The following SMC2 variants were observed in gnomAD, a reference collection of about 807,000 sequenced individuals.
The protein encoded by SMC2 is structural maintenance of chromosomes protein 2.
A neutral mutation model predicts 142.6 loss-of-function variants in SMC2; 41 were observed. The observed-to-expected ratio is 0.29, with a 90% CI of 0.22 to 0.37. The LOEUF (loss-of-function observed/expected upper bound fraction) is 0.37, where lower values mean the gene tolerates loss of function less well. Ranked by LOEUF, SMC2 falls within the 10% of genes least tolerant of loss-of-function variation. The pLI is 1.00. For missense variants in SMC2, 1,265 were observed against 1,373.7 expected (o/e 0.92, Z 1.25); for synonymous variants, 463 against 457.5 (o/e 1.01, Z -0.15).
intron 21 of SMC2, among the ~76,000 whole-genome samples, chr9:104,130,735 A>G (rs1029851103): frequency 3.0e-4 from 46 of 152,120 alleles, no homozygotes; most frequent in African/African-American, 1.1e-3. Flanking sequence ...GCAATATGTG[A>G]TATATTTGTA....
chr9:104,113,295 T>C (rs1219472246), intron 10 of SMC2, 21 bp from the exon 11 acceptor site: 2 of 1,592,532 alleles, frequency 1.3e-6, no homozygotes, highest in East Asian at 2.3e-5. Flanking sequence ...TCCTATGGTC[T>C]GTTGCATTTT....
chr9:104,090,041 T>C (rs181322254), upstream of SMC2, among the ~76,000 whole-genome samples: 14 of 152,292 alleles, frequency 9.2e-5, no homozygotes, highest in Non-Finnish European at 1.5e-4. Flanking sequence ...GTGAGCTCTG[T>C]AAGGAAGGCT....
In SMC2 at chr9:104,123,190, C is replaced by G. The variant is rs1308520267; in HGVS notation, c.2215C>G (p.His739Asp). The change falls in exon 17 of 25, where the codon CAC becomes GAC. Residue 739 changes from histidine (H) to aspartate (D), a missense_variant. By Grantham distance (81) the His-to-Asp change is moderately conservative. This residue lies in a region of SMC2 where 898 missense variants were observed against 904.2 expected (regional missense o/e 0.99). Transcript: ENST00000374793. ...AACCAAGCTCCAGCAAAGCTCATATCACAAGCAACAAGAAGAATTAGATGC... is the reference window on the plus strand; with the variant it reads ...AACCAAGCTCCAGCAAAGCTCATATGACAAGCAACAAGAAGAATTAGATGC... ...LQTKLQQSSY[H>D]KQQEELDALK... is the part of the protein sequence containing the mutation. The G allele has an allele frequency of 6.2e-7, 1 of 1,612,624 alleles. No individual in the cohort carries two copies. Among genetic ancestry groups the G allele is most frequent in the Non-Finnish European group, 8.5e-7 (1 of 1,179,272 alleles).
chr9:104,139,539 A>C lies in SMC2; in HGVS notation c.*224A>C, dbSNP rs187852708. The stretch of plus-strand genomic sequence containing the variant: ...TTGTGGTTGTGATTTTATGCATATC[A>C]TCAAATGTTTTTTTCTTATGCGGGT... On this transcript the variant is annotated 3_prime_UTR_variant, in exon 25 of 25. Coordinates refer to ENST00000374793, the MANE Select transcript of SMC2 (RefSeq NM_006444.3). 1.1e-4 allele frequency: 42 copies of C among 374,254 alleles called. No homozygotes were observed. The Admixed American group carries it at 1.7e-3, about 15-fold the overall frequency. 23.2% of individuals were successfully genotyped at this position (374,254 alleles called of 1,614,324 possible).
At chr9:104,123,372 A>AG (rs1360954143) in intron 17 of SMC2, 140 bp downstream of exon 17, 3 of 742,732 alleles carry the variant, frequency 4.0e-6, no homozygotes, top group Non-Finnish European at 6.0e-6. Flanking sequence ...TGGGATTTCT[A>AG]GGTCTTAGGG....
chr9:104,108,130 C>T (rs757692382), intron 9 of SMC2, among the ~76,000 whole-genome samples: 1 of 152,198 alleles, frequency 6.6e-6, no homozygotes, highest in Non-Finnish European at 1.5e-5. Flanking sequence ...AAGCAATAAG[C>T]ATAGTGAGTC....
upstream of SMC2, among the ~76,000 whole-genome samples, chr9:104,090,229 CTCA>C (rs1829967882): frequency 6.6e-6 from 1 of 152,172 alleles, no homozygotes; most frequent in African/African-American, 2.4e-5. Context: ...AAAGGAAATT[CTCA>C]GTGCCTGAAA....
At position 104,113,362 on chromosome 9, in the gene SMC2, A is replaced by G. The variant is rs746519184; in HGVS notation, c.1301A>G (p.Gln434Arg). The G allele has an allele frequency of 6.2e-7, 1 of 1,611,974 alleles. No individual in the cohort carries two copies. Residue 434 changes from glutamine to arginine, a missense_variant, in exon 11 of 25, where the codon CAA (glutamine) becomes CGA (arginine). This residue lies in a region of SMC2 where 898 missense variants were observed against 904.2 expected (regional missense o/e 0.99). Transcript: ENST00000374793. ...KHAQQELKNK[Q>R]AEVKKMDSGY... ...GCTCAACAGGAATTAAAGAATAAAC[A>G]AGCTGAAGTTAAGAAGATGGATAGT... is the stretch of plus-strand genomic sequence containing the variant.
chr9:104,127,450 T>G lies in SMC2; in HGVS notation c.2760T>G (p.His920Gln). The G allele has an allele frequency of 6.2e-7, 1 of 1,611,272 alleles. No individual in the cohort carries two copies. The highest frequency in any genetic ancestry group is 8.5e-7 in the Non-Finnish European group (1 of 1,178,620). Residue 920 changes from histidine to glutamine, a missense_variant, in exon 20 of 25, where the codon CAT becomes CAG. Coordinates refer to ENST00000374793, the MANE Select transcript of SMC2 (RefSeq NM_006444.3). ...AATTAGACCACAACATCAGCAAACA[T>G]AAACGGGAGGCTGAAGATGGTGCTG... ...IKELDHNISK[H>Q]KREAEDGAAK... is the part of the protein sequence containing the mutation.
chr9:104,101,714 T>A (rs1342780730), intron 7 of SMC2, among the ~76,000 whole-genome samples: 1 of 152,208 alleles, frequency 6.6e-6, no homozygotes, highest in African/African-American at 2.4e-5. Context: ...TATTTCTTTG[T>A]TAAGCTCAAC....
At chr9:104,096,732 C>A (rs1830479063) in intron 3 of SMC2, among the ~76,000 whole-genome samples, 1 of 152,182 alleles carries the variant, frequency 6.6e-6, no homozygotes, top group African/African-American at 2.4e-5. Flanking sequence ...GCACCAAGAG[C>A]AAATCTAACT....
At chr9:104,101,864 T>C (rs1240726808) in intron 7 of SMC2, 96 bp from the exon 8 acceptor site, 1 of 723,278 alleles carries the variant, frequency 1.4e-6, no homozygotes, top group East Asian at 2.6e-5. Flanking sequence ...CAGGACAAAA[T>C]CTATTATGTA....
chr9:104,103,744 T>C (rs916219905), intron 9 of SMC2, among the ~76,000 whole-genome samples: 2 of 152,174 alleles, frequency 1.3e-5, no homozygotes, highest in African/African-American at 2.4e-5. Context: ...TGAAAAAAAA[T>C]TAACTTTGTG....
At chr9:104,131,922 T>C in intron 21 of SMC2, 87 bp from the exon 22 acceptor site, 1 of 710,100 alleles carries the variant, frequency 1.4e-6, no homozygotes, top group East Asian at 2.6e-5. Flanking sequence ...TATATAAAAA[T>C]AATGAAAACT....
intron 23 of SMC2, among the ~76,000 whole-genome samples, 153 bp from the exon 24 acceptor site, chr9:104,137,865 T>TTTAATTTA (rs1564123581): frequency 0.036 from 5,495 of 152,064 alleles, 326 homozygotes; most frequent in African/African-American, 0.13. Flanking sequence ...ACAACAAAAG[T>TTTAATTTA]GTTAAAGTTT....
intron 7 of SMC2, 96 bp downstream of exon 7, chr9:104,100,529 GT>G (rs1434825588): frequency 1.6e-5 from 13 of 805,392 alleles, no homozygotes; most frequent in South Asian, 5.1e-5. Context: ...TTTCTTGGGG[GT>G]TTTTTTCCTG....
chr9:104,097,506 T>C (rs1830581048), intron 3 of SMC2, among the ~76,000 whole-genome samples: 1 of 105,962 alleles, frequency 9.4e-6, no homozygotes, highest in South Asian at 2.9e-4. Context: ...AAGCCTCTGG[T>C]TGAAAAAAAA....
At chr9:104,137,889 C>CT (rs200382814) in intron 23 of SMC2, 129 bp from the exon 24 acceptor site, 13,187 of 521,376 alleles carry the variant, frequency 0.025, 813 homozygotes, top group African/African-American at 0.18. Flanking sequence ...ACTCAAGATT[C>CT]TTTTTTTTAT....
chr9:104,088,795 C>T, the SMC2 span, among the ~76,000 whole-genome samples: 2 of 152,118 alleles, frequency 1.3e-5, no homozygotes, highest in African/African-American at 4.8e-5. Flanking sequence ...CTTCTCCACT[C>T]AACTATGGAT....
Sources: gnomAD v4.1 joint callset for allele counts (sites outside exome capture counted in the v4.1 genomes callset) on GRCh38, gnomAD v4.1.1 for gene constraint, gnomAD v4.1.1 regional missense constraint, MANE v1.5 for transcripts, NCBI Gene and HGNC (gene_info 2026-07-23, HGNC 2026-07-21) for gene names.